Variants in PRPF8 observed in about 807,000 individuals in gnomAD.
PRPF8 encodes the protein pre-mRNA processing factor 8, also known as pre-mRNA-processing-splicing factor 8.
Under a neutral mutation model 285.9 loss-of-function variants are expected in PRPF8, and 64 were observed. The ratio of observed to expected loss-of-function variants is 0.22; its 90% CI spans 0.18 to 0.28. PRPF8 has a LOEUF of 0.28. Ranked by LOEUF, PRPF8 falls within the 10% of genes least tolerant of loss-of-function variation. The probability of loss-of-function intolerance (pLI) is 1.00; values close to 1 mark genes in which losing one functional copy is unlikely to be tolerated. For missense variants in PRPF8, 1,426 were observed against 3,026.7 expected, an observed-to-expected ratio of 0.47 and a Z score of 12.41; for synonymous variants, 1,325 against 1,118.2, an observed-to-expected ratio of 1.18 and a Z score of -3.69.
intron 39 of PRPF8, among the ~76,000 whole-genome samples, chr17:1,652,498 AATG>A (rs1911136828): frequency 6.6e-6 from 1 of 152,142 alleles, no homozygotes; most frequent in Non-Finnish European, 1.5e-5. Flanking sequence ...CTTGGCCCAA[AATG>A]ATGTTTTATA....
In PRPF8 at chr17:1,684,487, T is replaced by G; in HGVS notation, c.85A>C (p.Lys29Gln). 1.2e-6 allele frequency: 2 copies of G among 1,612,460 alleles called. No homozygotes were observed. The highest frequency in any genetic ancestry group is 1.7e-6 in the Non-Finnish European group (2 of 1,179,688). ...APLPDYMSEE[K>Q]LQEKARKWQQ... ...CTCGCCTCACCTTTCTCCTGCAGCTTCTCCTCCGACATGTAGTCCGGTAGC... is the reference window on the plus strand; with the variant it reads ...CTCGCCTCACCTTTCTCCTGCAGCTGCTCCTCCGACATGTAGTCCGGTAGC... Residue 29 changes from lysine to glutamine, a missense_variant, in exon 2 of 43, where the codon AAG (lysine) becomes CAG (glutamine). Transcript: ENST00000304992.
intron 8 of PRPF8, among the ~76,000 whole-genome samples, chr17:1,680,309 C>G (rs1486590028): frequency 2.0e-5 from 3 of 152,162 alleles, no homozygotes; most frequent in Admixed American, 1.3e-4. Context: ...CTAAGGGTTT[C>G]TTTCTCAAGT....
At position 1,653,130 on chromosome 17, in the gene PRPF8, G is replaced by C. The variant is rs1046780469; in HGVS notation, c.6369+412C>G. On this transcript the variant is annotated intron_variant, in intron 39 of 42. Coordinates refer to ENST00000304992, the MANE Select transcript of PRPF8 (RefSeq NM_006445.4). This position sits in a 1 kb window ranked among gnomAD's most constrained non-coding sequence, Gnocchi z 4.9. ...ATTTTTTGTATTTTTAGTAGAGACAGGGTTTCACCATATTGGTCAGGCTGG... is the reference window on the plus strand; with the variant it reads ...ATTTTTTGTATTTTTAGTAGAGACACGGTTTCACCATATTGGTCAGGCTGG... The C allele has an allele frequency of 1.9e-5, 6 of 321,674 alleles. No individual in the cohort carries two copies. Among genetic ancestry groups the C allele is most frequent in the African/African-American group, 1.1e-4 (5 of 46,600 alleles). 19.9% of individuals were successfully genotyped at this position (321,674 alleles called of 1,614,324 possible).
At position 1,681,542 on chromosome 17, in the gene PRPF8, C is replaced by G; in HGVS notation, c.802G>C (p.Ala268Pro). The G allele has an allele frequency of 6.2e-7, 1 of 1,613,550 alleles. No homozygotes were observed. The highest frequency in any genetic ancestry group is 8.5e-7 in the Non-Finnish European group (1 of 1,179,548). ...FDLKAFFTSK[A>P]LNMAIPGGPK... ...CCTCCAGGAATGGCCATATTGAGTG[C>G]CTTGGACGTAAAGAAGGCCTTCAAA... The change falls in exon 6 of 43, where the codon GCA (alanine) becomes CCA (proline). Residue 268 changes from alanine to proline, a missense_variant. By Grantham distance (27) the Ala-to-Pro change is conservative. Around this residue, in one of 34 missense-constraint regions of PRPF8, gnomAD observed 157 missense variants for 159.6 expected, o/e 0.98. Coordinates refer to ENST00000304992, the MANE Select transcript of PRPF8 (RefSeq NM_006445.4).
intron 24 of PRPF8, among the ~76,000 whole-genome samples, chr17:1,672,562 C>T (rs563948920): frequency 5.9e-5 from 9 of 152,326 alleles, no homozygotes; most frequent in African/African-American, 2.2e-4. Context: ...GGATTACAGG[C>T]GTGAGCCACC....
Position 1,673,979 on chromosome 17 carries a change from C to T in PRPF8, c.3300-87G>A. ...TCCTCCAGCTCAATAGACGGAGACC[C>T]CACCCCATCCTACCCCCACCCTCCC... is the stretch of plus-strand genomic sequence containing the variant. On this transcript the variant is annotated intron_variant, in intron 21 of 42. Coordinates refer to ENST00000304992, the MANE Select transcript of PRPF8 (RefSeq NM_006445.4). The surrounding 1 kb of genome is among the most constrained non-coding windows in gnomAD (Gnocchi z 5.5). The T allele has an allele frequency of 6.8e-7, 1 of 1,466,128 alleles. No individual in the cohort carries two copies. Among genetic ancestry groups the T allele is most frequent in the Non-Finnish European group, 9.4e-7 (1 of 1,059,860 alleles). The allele number at this position is 1,466,128 out of a possible 1,614,324, so 90.8% of individuals were successfully genotyped here. A position where few individuals can be genotyped will look rare whatever the true frequency, so the allele number is the denominator to read the frequency against.
chr17:1,668,937 T>G (rs896146239), intron 24 of PRPF8, among the ~76,000 whole-genome samples: 3 of 152,176 alleles, frequency 2.0e-5, no homozygotes, highest in African/African-American at 7.2e-5. Flanking sequence ...TTCCCCTAAC[T>G]GCAGCCCAAG....
rs953313152 is a variant in PRPF8, at chr17:1,655,678, G to A, written c.5794-135C>T. ...GTCTTGCTCTGTCGCCCAGGCTGGA[G>A]TGCAGTGGCATGATCTCGGCTCACT... On this transcript the variant is annotated intron_variant, in intron 36 of 42. Coordinates refer to ENST00000304992, the MANE Select transcript of PRPF8 (RefSeq NM_006445.4). The A allele has an allele frequency of 6.6e-6, 5 of 754,996 alleles. No individual in the cohort carries two copies. The Admixed American group carries it at 8.5e-5, about 13-fold the overall frequency. The allele number at this position is 754,996 out of a possible 1,614,324, so 46.8% of individuals were successfully genotyped here. A position where few individuals can be genotyped will look rare whatever the true frequency, so the allele number is the denominator to read the frequency against.
Position 1,679,513 on chromosome 17 carries a change from AAAAG to A in PRPF8, c.1289+92_1289+95del. 1.3e-6 allele frequency: 2 copies of A among 1,592,896 alleles called. No individual in the cohort carries two copies. The highest frequency in any genetic ancestry group is 1.8e-5 in the Admixed American group (1 of 55,210). On this transcript the variant is annotated intron_variant, in intron 9 of 42. Coordinates refer to ENST00000304992, the MANE Select transcript of PRPF8 (RefSeq NM_006445.4). The surrounding 1 kb of genome is among the most constrained non-coding windows in gnomAD (Gnocchi z 4.7). ...CTACCATTTTTATGGGAAAAAAAAA[AAAAG>A]AATTTAAAAAAAAGGCTACATGCCC...
At position 1,659,434 on chromosome 17, in the gene PRPF8, G is replaced by A. The variant is rs199723847; in HGVS notation, c.5061C>T (p.Tyr1687=). 56 of 1,614,114 alleles carry A rather than the reference G, an allele frequency of 3.5e-5. No homozygotes were observed. The East Asian group carries it at 1.2e-3, about 35-fold the overall frequency. The part of the protein sequence containing the change: ...ERYARAKFLD[Y]TTDNMSIYPS... ...GGTAGATACTCATGTTGTCGGTGGT[G>A]TAGTCCAGGAACTTGGCCCGGGCGT... Residue 1687 remains tyrosine, a synonymous_variant, in exon 32 of 43, where the codon TAC becomes TAT. Transcript: ENST00000304992. This position sits in a 1 kb window ranked among gnomAD's most constrained non-coding sequence, Gnocchi z 5.1.
rs1198124176 is a variant in PRPF8, at chr17:1,673,351, C to G, written c.3657+6G>C. ...CATGTCACTCCCAGCCCCGCCCAGG[C>G]TGTACCTCATTCTGCAGGTTCCAGA... On this transcript the variant is annotated splice_donor_region_variant and intron_variant, in intron 23 of 42. Transcript: ENST00000304992. This position sits in a 1 kb window ranked among gnomAD's most constrained non-coding sequence, Gnocchi z 5.5. 6.2e-7 allele frequency: 1 copy of G among 1,613,902 alleles called. No homozygotes were observed. The highest frequency in any genetic ancestry group is 1.3e-5 in the African/African-American group (1 of 74,928).
At position 1,673,911 on chromosome 17, in the gene PRPF8, A is replaced by G. The variant is rs983135920; in HGVS notation, c.3300-19T>C. On this transcript the variant is annotated intron_variant, in intron 21 of 42. Transcript: ENST00000304992. The surrounding 1 kb of genome is among the most constrained non-coding windows in gnomAD (Gnocchi z 5.5). ...TGTGAACCTACACCAGACCAGGTAC[A>G]CTGCTGAGGCCCCAGTACACTGAGA... 6 of 1,610,520 alleles carry G rather than the reference A, an allele frequency of 3.7e-6. No homozygotes were observed. The African/African-American group carries it at 8.0e-5, about 21-fold the overall frequency.
chr17:1,672,166 A>G (rs918629432), intron 24 of PRPF8, among the ~76,000 whole-genome samples: 6 of 152,246 alleles, frequency 3.9e-5, no homozygotes, highest in African/African-American at 1.4e-4. Context: ...TAAAAAACAG[A>G]AAACATTCTG....
At chr17:1,677,729 A>T in intron 13 of PRPF8, 35 bp from the exon 14 acceptor site, 1 of 1,613,752 alleles carries the variant, frequency 6.2e-7, no homozygotes, top group Non-Finnish European at 8.5e-7. Context: ...AATACAAGTT[A>T]GCAATGCATT....
In PRPF8 at chr17:1,660,700, T is replaced by C; in HGVS notation, c.4636A>G (p.Asn1546Asp). ...LWWSPTINRA[N>D]VYVGFQVQLD... ...TCTCCAGTGTCAATCACACTCACATTGGCTCGATTAATGGTCGGGGACCAC... is the reference window on the plus strand; with the variant it reads ...TCTCCAGTGTCAATCACACTCACATCGGCTCGATTAATGGTCGGGGACCAC... The change falls in exon 29 of 43, where the codon AAT becomes GAT. Residue 1546 changes from asparagine (N) to aspartate (D), a missense_variant and splice_region_variant. Asn to Asp is a conservative substitution (Grantham distance 23, BLOSUM62 1). Transcript: ENST00000304992. 1 of 1,614,110 alleles carries C rather than the reference T, an allele frequency of 6.2e-7. No individual in the cohort carries two copies. The highest frequency in any genetic ancestry group is 8.5e-7 in the Non-Finnish European group (1 of 1,180,028).
chr17:1,684,429 G>C (rs374217761), intron 2 of PRPF8, 43 bp downstream of exon 2: 79 of 1,606,092 alleles, frequency 4.9e-5, no homozygotes, highest in Middle Eastern at 3.3e-4. Flanking sequence ...GCGCACACCC[G>C]CCCCGCCTCC....
rs1311004226 is a variant in PRPF8, at chr17:1,658,119, A to T, written c.5505+134T>A. On this transcript the variant is annotated intron_variant, in intron 34 of 42. Transcript: ENST00000304992. This position sits in a 1 kb window ranked among gnomAD's most constrained non-coding sequence, Gnocchi z 4.1. Reference sequence around the variant, plus strand: ...TTGGACCTCCCACAGAATACTTCCCAAGGTATTTTGGGGATAAGTTCAAAT... The same window carrying T: ...TTGGACCTCCCACAGAATACTTCCCTAGGTATTTTGGGGATAAGTTCAAAT... 4 of 1,338,980 alleles carry T rather than the reference A, an allele frequency of 3.0e-6. No individual in the cohort carries two copies. Among genetic ancestry groups the T allele is most frequent in the Middle Eastern group, 5.0e-4 (2 of 3,980 alleles). The allele number at this position is 1,338,980 out of a possible 1,614,324, so 82.9% of individuals were successfully genotyped here.
chr17:1,651,848 G>A lies in PRPF8; in HGVS notation c.6370-60C>T, dbSNP rs1482005585. 2.5e-6 allele frequency: 4 copies of A among 1,582,222 alleles called. No homozygotes were observed. The highest frequency in any genetic ancestry group is 2.7e-5 in the African/African-American group (2 of 74,220). ...TTAGTACCAGGTCAGAGTTGGAGCT[G>A]CCAGCCCTCTGTTTCCTTCCTTCCC... On this transcript the variant is annotated intron_variant, in intron 39 of 42. Transcript: ENST00000304992. The surrounding 1 kb of genome is among the most constrained non-coding windows in gnomAD (Gnocchi z 5.1).
Position 1,673,835 on chromosome 17 carries a change from G to A in PRPF8, c.3357C>T (p.Asp1119=). 1 of 1,614,032 alleles carries A rather than the reference G, an allele frequency of 6.2e-7. No individual in the cohort carries two copies. Among genetic ancestry groups the A allele is most frequent in the South Asian group, 1.1e-5 (1 of 91,078 alleles). The change falls in exon 22 of 43, where the codon GAC becomes GAT. Residue 1119 remains aspartate (D), a synonymous_variant. Coordinates refer to ENST00000304992, the MANE Select transcript of PRPF8 (RefSeq NM_006445.4). This position sits in a 1 kb window ranked among gnomAD's most constrained non-coding sequence, Gnocchi z 5.5. ...AGCCAACGATGTTTTCATTATTGGGGTCAGGGTGCTCTGTCAGGTAACGTT... is the reference window on the plus strand; with the variant it reads ...AGCCAACGATGTTTTCATTATTGGGATCAGGGTGCTCTGTCAGGTAACGTT... ...LIQRYLTEHP[D]PNNENIVGYN...
Sources: gnomAD v4.1 joint callset for allele counts (sites outside exome capture counted in the v4.1 genomes callset) on GRCh38, gnomAD v4.1.1 for gene constraint, gnomAD v4.1.1 regional missense constraint, Gnocchi (gnomAD v3.1) non-coding constraint, MANE v1.5 for transcripts, NCBI Gene and HGNC (gene_info 2026-07-23, HGNC 2026-07-21) for gene names.